SLC34A2: variants seen among roughly 807,000 people sequenced by gnomAD.
SLC34A2 encodes solute carrier family 34 member 2.
A neutral mutation model predicts 50.8 loss-of-function variants in SLC34A2; 41 were observed. That is an observed-to-expected ratio of 0.81 (90% CI 0.63 to 1.05). The LOEUF is 1.05. Ranked by LOEUF, SLC34A2 falls within the 50% of genes least tolerant of loss-of-function variation. SLC34A2 has a pLI of 0.00. For missense variants in SLC34A2, 879 were observed against 876.7 expected, an observed-to-expected ratio of 1.00 and a Z score of -0.03; for synonymous variants, 401 against 364.2, an observed-to-expected ratio of 1.10 and a Z score of -1.15.
intron 12 of SLC34A2, among the ~76,000 whole-genome samples, chr4:25,675,777 G>A (rs1052742478): frequency 2.0e-5 from 3 of 152,212 alleles, no homozygotes; most frequent in Non-Finnish European, 2.9e-5. Context: ...AAGTGACCAA[G>A]CGCCTGGCCT....
At chr4:25,673,038 G>C (rs1210977505) in intron 9 of SLC34A2, 49 bp from the exon 10 acceptor site, 1 of 1,586,438 alleles carries the variant, frequency 6.3e-7, no homozygotes, top group Admixed American at 1.7e-5. Flanking sequence ...ACAATCTGTA[G>C]CCGTGGTGGC....
chr4:25,672,766 T>TAA (rs140174266), intron 9 of SLC34A2, among the ~76,000 whole-genome samples: 2 of 146,664 alleles, frequency 1.4e-5, no homozygotes, highest in African/African-American at 2.5e-5. Context: ...TTATCATTAG[T>TAA]AAAAAAAAAA....
intron 7 of SLC34A2, 22 bp downstream of exon 7, chr4:25,669,864 GAGA>G (rs749871731): frequency 1.3e-6 from 2 of 1,596,778 alleles, no homozygotes; most frequent in African/African-American, 1.3e-5. Flanking sequence ...CCTTCAGAGA[GAGA>G]AGGAGACTAA....
chr4:25,658,433 G>T (rs1714002089), intron 1 of SLC34A2, among the ~76,000 whole-genome samples: 1 of 152,184 alleles, frequency 6.6e-6, no homozygotes, highest in Admixed American at 6.5e-5. Context: ...GCTGCTCTGG[G>T]CACAAGGGGC....
At chr4:25,660,561 T>C (rs1714123795) in intron 1 of SLC34A2, among the ~76,000 whole-genome samples, 1 of 152,250 alleles carries the variant, frequency 6.6e-6, no homozygotes, top group Non-Finnish European at 1.5e-5. Flanking sequence ...TTCTGTTTTT[T>C]TGAGACGGAG....
rs571267921 is a variant in SLC34A2, at chr4:25,672,100, C to T, written c.1048+379C>T. The stretch of plus-strand genomic sequence containing the variant: ...TATAATCCCAGCACTTTGGGGAGGC[C>T]GAGATGGGCTGGTCACTTGAAGCCA... On this transcript the variant is annotated intron_variant, in intron 9 of 12. Coordinates refer to ENST00000382051, the MANE Select transcript of SLC34A2 (RefSeq NM_006424.3). Among the ~76,000 whole-genome samples, 38 of 152,194 alleles carry T rather than the reference C, an allele frequency of 2.5e-4. No homozygotes were observed. The South Asian group carries it at 5.8e-3, about 23-fold the overall frequency.
In SLC34A2 at chr4:25,676,836, C is replaced by T; in HGVS notation, c.*87C>T. The T allele has an allele frequency of 1.3e-6, 2 of 1,578,158 alleles. No individual in the cohort carries two copies. The stretch of plus-strand genomic sequence containing the variant: ...TCCCACTTCTGCACCCTTTCACCAC[C>T]TCGAGGAGATTTGCTCCCCATTAGC... On this transcript the variant is annotated 3_prime_UTR_variant, in exon 13 of 13. Transcript: ENST00000382051.
rs778521171 is a variant in SLC34A2, at chr4:25,676,303, A to G, written c.1627A>G (p.Thr543Ala). ...LIIFFFLIPL[T>A]VFGLSLAGWR... ...CATCTTCTTCTTCCTGATCCCGCTG[A>G]CGGTGTTTGGCCTCTCGCTGGCCGG... Residue 543 changes from threonine (T) to alanine (A), a missense_variant, in exon 13 of 13, where the codon ACG (threonine) becomes GCG (alanine). Physicochemically the swap from Thr to Ala is moderately conservative, Grantham distance 58. Coordinates refer to ENST00000382051, the MANE Select transcript of SLC34A2 (RefSeq NM_006424.3). 6.2e-7 allele frequency: 1 copy of G among 1,613,902 alleles called. No homozygotes were observed. The highest frequency in any genetic ancestry group is 8.5e-7 in the Non-Finnish European group (1 of 1,179,962).
rs138734284 is a variant in SLC34A2, at chr4:25,676,736, G to A, written c.2060G>A (p.Cys687Tyr). 1.2e-6 allele frequency: 2 copies of A among 1,614,132 alleles called. No homozygotes were observed. The highest frequency in any genetic ancestry group is 1.7e-6 in the Non-Finnish European group (2 of 1,179,984). Residue 687 changes from cysteine (C) to tyrosine (Y), a missense_variant, in exon 13 of 13, where the codon TGC becomes TAC. Coordinates refer to ENST00000382051, the MANE Select transcript of SLC34A2 (RefSeq NM_006424.3). Reference sequence around the variant, plus strand: ...CCTGCCTCGGACTCAAAGACCGAATGCACGGCCTTGTAGGGGACGCCCCAG... The same window carrying A: ...CCTGCCTCGGACTCAAAGACCGAATACACGGCCTTGTAGGGGACGCCCCAG... ...EVPASDSKTE[C>Y]TAL
Position 25,662,527 on chromosome 4 carries a change from T to C in SLC34A2, c.27T>C (p.Asp9=), listed in dbSNP as rs1714251871. The C allele has an allele frequency of 6.2e-7, 1 of 1,614,040 alleles. No individual in the cohort carries two copies. Among genetic ancestry groups the C allele is most frequent in the Non-Finnish European group, 8.5e-7 (1 of 1,179,998 alleles). Residue 9 remains aspartate (D), a synonymous_variant, in exon 2 of 13, where the codon GAT becomes GAC. Transcript: ENST00000382051. Reference sequence around the variant, plus strand: ...TGGCTCCCTGGCCTGAATTGGGAGATGCCCAGCCCAACCCCGATAAGTACC... The same window carrying C: ...TGGCTCCCTGGCCTGAATTGGGAGACGCCCAGCCCAACCCCGATAAGTACC... The part of the protein sequence containing the change: MAPWPELG[D]AQPNPDKYLE...
At position 25,666,120 on chromosome 4, in the gene SLC34A2, T is replaced by C. The variant is rs1714485267; in HGVS notation, c.380-8T>C. Reference sequence around the variant, plus strand: ...GATTGTTTTTGTTTGTTTGTTTGTTTTTCCCAGGAAAAATGGCAGGACAGT... The same window carrying C: ...GATTGTTTTTGTTTGTTTGTTTGTTCTTCCCAGGAAAAATGGCAGGACAGT... On this transcript the variant is annotated splice_region_variant and splice_polypyrimidine_tract_variant and intron_variant, in intron 4 of 12. Coordinates refer to ENST00000382051, the MANE Select transcript of SLC34A2 (RefSeq NM_006424.3). 1 of 1,612,914 alleles carries C rather than the reference T, an allele frequency of 6.2e-7. No homozygotes were observed.
chr4:25,656,786 A>G (rs1713904526), intron 1 of SLC34A2, among the ~76,000 whole-genome samples: 1 of 152,122 alleles, frequency 6.6e-6, no homozygotes, highest in Admixed American at 6.5e-5. Context: ...GATTTCATGG[A>G]AGCAGCTTGT....
rs201756247 is a variant in SLC34A2 at position 25,664,269 on chromosome 4, A to G, written c.318A>G (p.Gly106=). 4.3e-6 allele frequency: 7 copies of G among 1,610,138 alleles called. No homozygotes were observed. In the African/African-American group the frequency reaches 9.5e-5, roughly 22 times the overall value. The change falls in exon 4 of 13, where the codon GGA becomes GGG. Residue 106 remains glycine (G), a synonymous_variant. Coordinates refer to ENST00000382051, the MANE Select transcript of SLC34A2 (RefSeq NM_006424.3). The part of the protein sequence containing the change: ...QGIGRLILLL[G]FLYFFVCSLD... ...TTGGGAGATTGATTTTACTTCTCGG[A>G]TTTCTCTACTTTTTCGTGTGCTCCC...
chr4:25,672,954 T>G, intron 9 of SLC34A2, 133 bp from the exon 10 acceptor site: 1 of 935,836 alleles, frequency 1.1e-6, no homozygotes, highest in East Asian at 2.4e-5. Flanking sequence ...GCTGTCTTGA[T>G]TTGGGGCTGC....
At chr4:25,666,292 G>T in intron 5 of SLC34A2, 21 bp downstream of exon 5, 1 of 1,612,876 alleles carries the variant, frequency 6.2e-7, no homozygotes, top group Non-Finnish European at 8.5e-7. Flanking sequence ...GCACCCATGA[G>T]CCCACCTGCA....
At chr4:25,673,524 C>A (rs1027063130) in intron 10 of SLC34A2, among the ~76,000 whole-genome samples, 1 of 152,104 alleles carries the variant, frequency 6.6e-6, no homozygotes, top group African/African-American at 2.4e-5. Flanking sequence ...TCCTTCTTAG[C>A]GGGTTTCCTG....
At chr4:25,666,032 G>T in intron 4 of SLC34A2, 96 bp from the exon 5 acceptor site, 1 of 1,513,980 alleles carries the variant, frequency 6.6e-7, no homozygotes, top group Non-Finnish European at 9.1e-7. Flanking sequence ...CCCACAGCCA[G>T]CTGGCCTTGG....
At chr4:25,670,650 A>T in intron 7 of SLC34A2, 88 bp from the exon 8 acceptor site, 1 of 954,072 alleles carries the variant, frequency 1.0e-6, no homozygotes. Context: ...TTATCTCCTT[A>T]GAGCCCCTCT....
chr4:25,668,655 A>T (rs865911337), intron 6 of SLC34A2, among the ~76,000 whole-genome samples: 4,472 of 145,586 alleles, frequency 0.031, 230 homozygotes, highest in African/African-American at 0.11. Flanking sequence ...AAAAAAAAAA[A>T]AATAAATAAA....
Sources: gnomAD v4.1 joint callset for allele counts (sites outside exome capture counted in the v4.1 genomes callset) on GRCh38, gnomAD v4.1.1 for gene constraint, MANE v1.5 for transcripts, NCBI Gene and HGNC (gene_info 2026-07-23, HGNC 2026-07-21) for gene names.